NEB: variants seen among roughly 807,000 people sequenced by gnomAD.
NEB encodes the protein nebulin, also known as nemaline myopathy type 2.
In NEB, 512 loss-of-function variants were observed where a neutral mutation model predicts 952.2. The ratio of observed to expected loss-of-function variants is 0.54; its 90% CI spans 0.50 to 0.58. The LOEUF (loss-of-function observed/expected upper bound fraction) is 0.58. Among genes scored for constraint, NEB ranks in the 20% least tolerant of loss-of-function variants. The pLI, the probability that NEB is intolerant of heterozygous loss-of-function variation, is 0.00. For synonymous variants in NEB, 2,900 were observed against 3,149.8 expected, an observed-to-expected ratio of 0.92 and a Z score of 2.66; for missense variants, 8,428 against 9,231.1, an observed-to-expected ratio of 0.91 and a Z score of 3.56.
chr2:151,655,313 G>T lies in NEB; in HGVS notation c.6764C>A (p.Pro2255Gln). ...KTKIHVMPDT[P>Q]DILQAKQNQT... ...ATTCTGCTTGGCTTGTAAAATATCTGGTGTATCAGGCATCACATGAATCTT... is the reference window on the plus strand; with the variant it reads ...ATTCTGCTTGGCTTGTAAAATATCTTGTGTATCAGGCATCACATGAATCTT... The change falls in exon 51 of 182, where the codon CCA becomes CAA. Residue 2255 changes from proline to glutamine, a missense_variant. Pro to Gln is a moderately conservative substitution (Grantham distance 76). Coordinates refer to ENST00000397345, the MANE Select transcript of NEB (RefSeq NM_001164508.2). The T allele has an allele frequency of 6.3e-7, 1 of 1,599,690 alleles. No individual in the cohort carries two copies.
intron 170 of NEB, 150 bp downstream of exon 170, chr2:151,498,110 A>G: frequency 6.6e-7 from 1 of 1,503,958 alleles, no homozygotes; most frequent in Non-Finnish European, 8.9e-7. Context: ...CATTAACTGT[A>G]TTATAGAAAT....
chr2:151,493,319 T>C (rs2058002678), intron 176 of NEB, 34 bp downstream of exon 176: 1 of 1,459,834 alleles, frequency 6.9e-7, no homozygotes. Flanking sequence ...TTTTCCAAGT[T>C]GTTGCACTAT....
intron 116 of NEB, among the ~76,000 whole-genome samples, 154 bp downstream of exon 116, chr2:151,565,347 A>G (rs2096308115): frequency 6.6e-6 from 1 of 152,204 alleles, no homozygotes; most frequent in African/African-American, 2.4e-5. Flanking sequence ...ACCACCTGCT[A>G]GTGACTTTTA....
intron 23 of NEB, among the ~76,000 whole-genome samples, chr2:151,691,514 T>A (rs2099550615): frequency 6.6e-6 from 1 of 152,238 alleles, no homozygotes; most frequent in Non-Finnish European, 1.5e-5. Context: ...GCTGGCTTTT[T>A]CTCTGTCTTT....
At chr2:151,658,765 T>C (rs986275930) in intron 47 of NEB, among the ~76,000 whole-genome samples, 1 of 152,152 alleles carries the variant, frequency 6.6e-6, no homozygotes, top group African/African-American at 2.4e-5. Flanking sequence ...TCTCATTTCC[T>C]TTTTCTCTTC....
chr2:151,519,198 A>G, intron 154 of NEB, 129 bp from the exon 155 acceptor site: 4 of 704,164 alleles, frequency 5.7e-6, no homozygotes, highest in South Asian at 3.2e-5. Context: ...TACCTCATTC[A>G]TAGTAGCCAG....
intron 163 of NEB, 80 bp downstream of exon 163, chr2:151,506,829 A>T: frequency 1.1e-6 from 1 of 907,156 alleles, no homozygotes; most frequent in Non-Finnish European, 1.8e-6. Context: ...TGTGTGTATC[A>T]ATATAAGGCT....
chr2:151,673,035 T>C (rs1040816096), intron 36 of NEB, among the ~76,000 whole-genome samples: 1 of 152,202 alleles, frequency 6.6e-6, no homozygotes, highest in African/African-American at 2.4e-5. Flanking sequence ...CGATTTAATA[T>C]GTTATTTACA....
Position 151,631,362 on chromosome 2 carries a change from A to G in NEB, c.9415-16T>C. 6.2e-7 allele frequency: 1 copy of G among 1,603,548 alleles called. No individual in the cohort carries two copies. Among genetic ancestry groups the G allele is most frequent in the Middle Eastern group, 1.7e-4 (1 of 6,032 alleles). On this transcript the variant is annotated splice_polypyrimidine_tract_variant and intron_variant, in intron 65 of 181. Transcript: ENST00000397345. The stretch of plus-strand genomic sequence containing the variant: ...TGTAAATATTCTGAGCAGAGGAAAA[A>G]AGTCAAAAACTCTTCATCAAGACCA...
chr2:151,706,170 C>T (rs78721175), intron 13 of NEB, among the ~76,000 whole-genome samples: 3,909 of 152,310 alleles, frequency 0.026, 194 homozygotes, highest in African/African-American at 0.089. Context: ...CACTTTCCCA[C>T]ACCTGCTCCC....
rs1157858933 is a variant in NEB at position 151,630,796 on chromosome 2, G to C, written c.9642C>G (p.Asp3214Glu). 1 of 1,610,444 alleles carries C rather than the reference G, an allele frequency of 6.2e-7. No individual in the cohort carries two copies. Among genetic ancestry groups the C allele is most frequent in the Admixed American group, 1.7e-5 (1 of 59,614 alleles). The change falls in exon 67 of 182, where the codon GAC (aspartate) becomes GAG (glutamate). Residue 3214 changes from aspartate to glutamate, a missense_variant. Physicochemically the swap from Asp to Glu is conservative, Grantham distance 45. Around this residue, in one of 11 missense-constraint regions of NEB, gnomAD observed 1,772 missense variants for 1,960.3 expected, o/e 0.90. Transcript: ENST00000397345. ...MNKRLYTEAW[D>E]KDKTQIHIMP... Reference sequence around the variant, plus strand: ...TTATGTGAATTTGAGTCTTGTCTTTGTCCCAGGCCTCTGTGTATAAACGCT... The same window carrying C: ...TTATGTGAATTTGAGTCTTGTCTTTCTCCCAGGCCTCTGTGTATAAACGCT...
At chr2:151,719,026 C>T (rs942003327) in intron 9 of NEB, among the ~76,000 whole-genome samples, 11 of 152,186 alleles carry the variant, frequency 7.2e-5, no homozygotes, top group African/African-American at 2.7e-4. Flanking sequence ...CACCATGACT[C>T]CCCTCTCAAG....
chr2:151,666,320 G>C lies in NEB; in HGVS notation c.4801C>G (p.His1601Asp). The change falls in exon 41 of 182, where the codon CAC becomes GAC. Residue 1601 changes from histidine (H) to aspartate (D), a missense_variant. By Grantham distance (81) the His-to-Asp change is moderately conservative (BLOSUM62 -1). Around this residue, in one of 11 missense-constraint regions of NEB, gnomAD observed 2,851 missense variants for 2,791.5 expected, o/e 1.02. Transcript: ENST00000397345. ...TGGATTTTGGCCACATTCATGTAGT[G>C]AACCAGTTTAGGATCATCCTGAAGA... ...LSLQDDPKLV[H>D]YMNVAKIQSD... The C allele has an allele frequency of 1.9e-6, 3 of 1,613,904 alleles. No homozygotes were observed. Among genetic ancestry groups the C allele is most frequent in the Non-Finnish European group, 2.5e-6 (3 of 1,179,864 alleles).
At chr2:151,640,256 T>C in intron 61 of NEB, 99 bp downstream of exon 61, 1 of 1,541,446 alleles carries the variant, frequency 6.5e-7, no homozygotes, top group Non-Finnish European at 8.8e-7. Context: ...ATTTGCCTCC[T>C]CCAGGGGCTG....
At position 151,491,832 on chromosome 2, in the gene NEB, A is replaced by G. The variant is rs978941511; in HGVS notation, c.25058-57T>C. On this transcript the variant is annotated intron_variant, in intron 178 of 181. Coordinates refer to ENST00000397345, the MANE Select transcript of NEB (RefSeq NM_001164508.2). ...TTCTTGGAGTTTTCCAATAACTTGA[A>G]AACCAAGGCATGAATTTTAACAACC... 44 of 1,367,014 alleles carry G rather than the reference A, an allele frequency of 3.2e-5. No homozygotes were observed. The African/African-American group carries it at 5.5e-4, about 17-fold the overall frequency. 84.7% of individuals were successfully genotyped at this position (1,367,014 alleles called of 1,614,324 possible). A position where few individuals can be genotyped will look rare whatever the true frequency, so the allele number is the denominator to read the frequency against.
At chr2:151,674,657 T>C (rs1254278134) in intron 35 of NEB, 73 bp from the exon 36 acceptor site, 7 of 1,186,526 alleles carry the variant, frequency 5.9e-6, no homozygotes, top group Non-Finnish European at 8.8e-6. Context: ...TTTGTTCTTT[T>C]CCAGACAGAA....
chr2:151,635,964 C>T lies in NEB; in HGVS notation c.9102+263G>A, dbSNP rs185724204. On this transcript the variant is annotated intron_variant, in intron 64 of 181. Transcript: ENST00000397345. ...AAGCATCTCCAAGCCTGCAGCTTCA[C>T]TCTAACAGGGTCCACATGAATGAAT... Among the ~76,000 whole-genome samples the T allele has an allele frequency of 2.2e-3, 336 of 152,326 alleles. 2 individuals carry two copies. The highest frequency in any genetic ancestry group is 3.7e-3 in the Non-Finnish European group (250 of 68,026).
intron 129 of NEB, 54 bp downstream of exon 129, chr2:151,551,684 C>T: frequency 5.0e-6 from 7 of 1,388,134 alleles, no homozygotes; most frequent in Non-Finnish European, 7.1e-6. Context: ...CTTGCTTCCA[C>T]AGAGGCTGAT....
In NEB at chr2:151,568,391, G is replaced by A. The variant is rs2153745272; in HGVS notation, c.17661C>T (p.Ala5887=). Residue 5887 remains alanine (A), a synonymous_variant, in exon 112 of 182, where the codon GCC becomes GCT. Transcript: ENST00000397345. The stretch of plus-strand genomic sequence containing the variant: ...CTGTGAGGGTGTACTTTGATTTGGT[G>A]GCATTCCAGTCTTTCCGGTATTTAA... ...DDIKYRKDWN[A]TKSKYTLTET... 2 of 1,610,944 alleles carry A rather than the reference G, an allele frequency of 1.2e-6. No homozygotes were observed. The highest frequency in any genetic ancestry group is 1.1e-5 in the South Asian group (1 of 90,946).
Sources: allele counts gnomAD v4.1 joint callset (sites outside exome capture counted in the v4.1 genomes callset), GRCh38; gene constraint gnomAD v4.1.1; regional missense constraint gnomAD v4.1.1; transcripts MANE v1.5; gene names NCBI Gene and HGNC (gene_info 2026-07-23, HGNC 2026-07-21).